The following DCX variants were observed in gnomAD, a reference collection of about 807,000 sequenced individuals.
DCX encodes the protein doublecortin.
Under a neutral mutation model 20.9 loss-of-function variants are expected in DCX, and 4 were observed. The observed-to-expected ratio is 0.19, with a 90% CI of 0.09 to 0.44. DCX has a LOEUF of 0.44. Ranked by LOEUF, DCX falls within the 20% of genes least tolerant of loss-of-function variation. DCX has a pLI of 0.99. For synonymous variants in DCX, 103 were observed against 111.4 expected (o/e 0.92, Z 0.47); for missense variants, 133 against 296.9 (o/e 0.45, Z 4.06).
intron 3 of DCX, among the ~76,000 whole-genome samples, chrX:111,375,579 T>G (rs890170429): frequency 4.5e-5 from 5 of 111,499 alleles, no homozygotes; most frequent in African/African-American, 1.6e-4. Flanking sequence ...TATATCCTAG[T>G]GTTCTCCTCT....
chrX:111,301,572 C>A lies in DCX; in HGVS notation c.*115G>T, dbSNP rs1298590461. On this transcript the variant is annotated 3_prime_UTR_variant, in exon 7 of 7. Coordinates refer to ENST00000636035, the MANE Select transcript of DCX (RefSeq NM_001195553.2). ...AATGTGTTTTTCAAAATAACAACAA[C>A]AACAAAATAAAAACTTGAAAGCACC... 6.5e-6 allele frequency: 5 copies of A among 769,382 alleles called. No homozygotes were observed. Among genetic ancestry groups the A allele is most frequent in the African/African-American group, 6.2e-5 (3 of 48,241 alleles). The allele number at this position is 769,382 out of a possible 1,213,427, so 63.4% of individuals were successfully genotyped here. A position where few individuals can be genotyped will look rare whatever the true frequency, so the allele number is the denominator to read the frequency against.
At chrX:111,302,118 C>T (rs767337853) in intron 6 of DCX, among the ~76,000 whole-genome samples, 1 of 111,673 alleles carries the variant, frequency 9.0e-6, no homozygotes, top group East Asian at 2.8e-4. Flanking sequence ...ATCCAACCCT[C>T]CCCTCTTCCC....
At chrX:111,328,298 T>A (rs1220484488) in intron 5 of DCX, among the ~76,000 whole-genome samples, 1 of 111,785 alleles carries the variant, frequency 8.9e-6, no homozygotes, top group Non-Finnish European at 1.9e-5. Flanking sequence ...GTAACTCCCT[T>A]CAATTTGACA....
intron 2 of DCX, among the ~76,000 whole-genome samples, chrX:111,408,261 G>C (rs771074416): frequency 9.0e-6 from 1 of 111,441 alleles, no homozygotes. Flanking sequence ...ATTAACCACT[G>C]CCTGTCCATT....
chrX:111,371,206 G>A (rs1243254676), intron 3 of DCX, among the ~76,000 whole-genome samples: 1 of 112,290 alleles, frequency 8.9e-6, no homozygotes, highest in East Asian at 2.8e-4. Flanking sequence ...ACATACACCT[G>A]TATAATACAA....
intron 2 of DCX, among the ~76,000 whole-genome samples, chrX:111,404,192 G>A (rs1012158100): frequency 9.0e-6 from 1 of 110,833 alleles, no homozygotes; most frequent in African/African-American, 3.3e-5. Flanking sequence ...AAGAAGGAAA[G>A]AGCAAAGAGG....
At chrX:111,400,016 CTT>C (rs1266358162) in intron 3 of DCX, among the ~76,000 whole-genome samples, 2 of 112,001 alleles carry the variant, frequency 1.8e-5, no homozygotes, top group East Asian at 5.6e-4. Context: ...TCATCAGTAA[CTT>C]TGATATATAG....
chrX:111,374,422 C>A (rs754688493), intron 3 of DCX, among the ~76,000 whole-genome samples: 2 of 111,777 alleles, frequency 1.8e-5, no homozygotes, highest in Non-Finnish European at 3.8e-5. Flanking sequence ...TACATTAATA[C>A]AATACTTAAA....
intron 3 of DCX, among the ~76,000 whole-genome samples, chrX:111,372,673 CAGA>C (rs1925196399): frequency 9.0e-6 from 1 of 111,336 alleles, no homozygotes; most frequent in Admixed American, 9.6e-5. Flanking sequence ...CTGGGCAGGG[CAGA>C]AGATGGATAT....
chrX:111,397,823 A>C (rs1415161935), intron 3 of DCX, among the ~76,000 whole-genome samples: 2 of 110,264 alleles, frequency 1.8e-5, no homozygotes, highest in African/African-American at 6.6e-5. Flanking sequence ...GTGTGTATAT[A>C]TACATACATA....
At chrX:111,336,154 C>T (rs1229248486) in intron 3 of DCX, among the ~76,000 whole-genome samples, 2 of 111,876 alleles carry the variant, frequency 1.8e-5, no homozygotes, top group Admixed American at 9.4e-5. Flanking sequence ...AGCTCCAAAG[C>T]AGCCATCTCA....
intron 3 of DCX, among the ~76,000 whole-genome samples, chrX:111,338,010 C>T (rs748857566): frequency 6.2e-5 from 7 of 112,151 alleles, no homozygotes; most frequent in Non-Finnish European, 1.3e-4. Context: ...CTGGGGAAGG[C>T]TTCACAGAGA....
At chrX:111,364,869 A>G (rs1045704842) in intron 3 of DCX, among the ~76,000 whole-genome samples, 3 of 110,063 alleles carry the variant, frequency 2.7e-5, no homozygotes, top group South Asian at 3.9e-4. Context: ...TTTCAGTCTT[A>G]TTTATCTTGT....
intron 3 of DCX, among the ~76,000 whole-genome samples, chrX:111,341,253 C>A (rs1458379014): frequency 1.8e-5 from 2 of 108,624 alleles, no homozygotes; most frequent in African/African-American, 6.7e-5. Flanking sequence ...GCCGACTCGA[C>A]CAAGCAGAAG....
chrX:111,412,169 G>A lies in DCX; in HGVS notation c.-54C>T, dbSNP rs1928765573. 9.0e-6 allele frequency: 1 copy of A among 111,607 alleles called. No individual in the cohort carries two copies. Among genetic ancestry groups the A allele is most frequent in the Admixed American group, 9.5e-5 (1 of 10,513 alleles). The allele number at this position is 111,607 out of a possible 1,213,427, so 9.2% of individuals were successfully genotyped here. On this transcript the variant is annotated 5_prime_UTR_variant, in exon 1 of 7. Coordinates refer to ENST00000636035, the MANE Select transcript of DCX (RefSeq NM_001195553.2). ...TCTGCTGGTTGGGTGGAGATGCTGA[G>A]AGAAAGAAAACCAATCTCTCTATGC... is the stretch of plus-strand genomic sequence containing the variant.
chrX:111,385,288 T>C (rs1365983843), intron 3 of DCX, among the ~76,000 whole-genome samples: 3 of 112,505 alleles, frequency 2.7e-5, no homozygotes, highest in Non-Finnish European at 5.6e-5. Context: ...ATTTTCTCTG[T>C]TGTATATTTT....
chrX:111,389,623 T>C (rs1256589396), intron 3 of DCX, among the ~76,000 whole-genome samples: 1 of 111,562 alleles, frequency 9.0e-6, no homozygotes, highest in Non-Finnish European at 1.9e-5. Flanking sequence ...GAGGCTAAAG[T>C]GGAAGGATCA....
rs183713046 is a variant in DCX at position 111,397,398 on chromosome X, G to A, written c.705+3592C>T. 2.4e-4 allele frequency among the ~76,000 whole-genome samples: 27 copies of A among 111,630 alleles called. 1 individual carries two copies. Among genetic ancestry groups the A allele is most frequent in the Admixed American group, 2.1e-3 (22 of 10,479 alleles). On this transcript the variant is annotated intron_variant, in intron 3 of 6. Transcript: ENST00000636035. Reference sequence around the variant, plus strand: ...TCTCATCCAAGCAAGTCAAGCTATTGCCATACATGTGACTTCAGCCTCCAC... The same window carrying A: ...TCTCATCCAAGCAAGTCAAGCTATTACCATACATGTGACTTCAGCCTCCAC...
At chrX:111,369,350 A>G (rs965661408) in intron 3 of DCX, among the ~76,000 whole-genome samples, 1 of 111,547 alleles carries the variant, frequency 9.0e-6, no homozygotes, top group African/African-American at 3.3e-5. Context: ...ACTTATGAAA[A>G]TTATACAATT....
Sources: gnomAD v4.1 joint callset for allele counts (sites outside exome capture counted in the v4.1 genomes callset) on GRCh38, gnomAD v4.1.1 for gene constraint, MANE v1.5 for transcripts, NCBI Gene and HGNC (gene_info 2026-07-23, HGNC 2026-07-21) for gene names.